Variants in XYLB observed in about 807,000 individuals in gnomAD.
XYLB encodes the protein xylulokinase, also known as xylulose kinase.
Under a neutral mutation model 78.7 loss-of-function variants are expected in XYLB, and 62 were observed. That is an observed-to-expected ratio of 0.79 (90% confidence interval 0.64 to 0.97). The LOEUF is 0.97. Among genes scored for constraint, XYLB ranks in the 50% least tolerant of loss-of-function variants. XYLB has a pLI of 0.00. For synonymous variants in XYLB, 245 were observed against 247.4 expected (o/e 0.99, Z 0.09); for missense variants, 687 against 676.8 (o/e 1.02, Z -0.17).
At chr3:38,363,107 G>C (rs1215766163) in intron 4 of XYLB, 90 bp downstream of exon 4, 1 of 1,106,964 alleles carries the variant, frequency 9.0e-7, no homozygotes, top group African/African-American at 1.6e-5. Context: ...CCTTGGATGG[G>C]GAGCGGCTCA....
chr3:38,370,196 G>A lies in XYLB; in HGVS notation c.765+22G>A, dbSNP rs957454200. 2.5e-6 allele frequency: 4 copies of A among 1,591,954 alleles called. No individual in the cohort carries two copies. The South Asian group carries it at 4.4e-5, about 18-fold the overall frequency. On this transcript the variant is annotated intron_variant, in intron 9 of 18. Coordinates refer to ENST00000207870, the MANE Select transcript of XYLB (RefSeq NM_005108.4). Reference sequence around the variant, plus strand: ...TGTGGTAGGTCTCCTTTCTGGTGATGTGGCTCATTTAAGAGCTGGCAGCTA... The same window carrying A: ...TGTGGTAGGTCTCCTTTCTGGTGATATGGCTCATTTAAGAGCTGGCAGCTA...
At chr3:38,404,229 T>A (rs1708226682) in intron 18 of XYLB, among the ~76,000 whole-genome samples, 1 of 152,142 alleles carries the variant, frequency 6.6e-6, no homozygotes, top group East Asian at 1.9e-4. Context: ...TTATAAAGGG[T>A]CACCTGTTAT....
At chr3:38,353,477 T>C (rs1705476934) in intron 2 of XYLB, among the ~76,000 whole-genome samples, 1 of 151,966 alleles carries the variant, frequency 6.6e-6, no homozygotes, top group South Asian at 2.1e-4. Flanking sequence ...CAGCTAATTT[T>C]TTTGTATTTT....
chr3:38,394,671 G>A (rs546265101), intron 15 of XYLB, among the ~76,000 whole-genome samples: 2 of 152,330 alleles, frequency 1.3e-5, no homozygotes, highest in East Asian at 3.9e-4. Flanking sequence ...AGTAATAAAT[G>A]TTTATTCTCT....
chr3:38,425,471 G>A (rs1297689254), downstream of XYLB, among the ~76,000 whole-genome samples: 2 of 152,162 alleles, frequency 1.3e-5, no homozygotes, highest in African/African-American at 4.8e-5. Flanking sequence ...GTGATTATAG[G>A]ACTCTGCACA....
chr3:38,388,181 T>G (rs867040847), intron 15 of XYLB, among the ~76,000 whole-genome samples: 3 of 150,614 alleles, frequency 2.0e-5, no homozygotes, highest in African/African-American at 7.3e-5. Context: ...TTTTTTTTTT[T>G]TTTTTTTTTT....
chr3:38,368,218 C>T lies in XYLB; in HGVS notation c.607C>T (p.Leu203=), dbSNP rs1706364229. 1 of 1,614,044 alleles carries T rather than the reference C, an allele frequency of 6.2e-7. No homozygotes were observed. The highest frequency in any genetic ancestry group is 1.3e-5 in the African/African-American group (1 of 74,914). The change falls in exon 8 of 19, where the codon CTG becomes TTG. Residue 203 remains leucine (L), a synonymous_variant. Transcript: ENST00000207870. Reference sequence around the variant, plus strand: ...TTTGGTCAGTAGCTTTGCTGCTTCCCTGTTCCTTGGCTCTTACTCCCCTAT... The same window carrying T: ...TTTGGTCAGTAGCTTTGCTGCTTCCTTGTTCCTTGGCTCTTACTCCCCTAT... ...ISLVSSFAAS[L]FLGSYSPIDY...
the XYLB span, among the ~76,000 whole-genome samples, chr3:38,436,072 A>G: frequency 6.6e-6 from 1 of 152,254 alleles, no homozygotes; most frequent in South Asian, 2.1e-4. Flanking sequence ...AAAAAGGAAT[A>G]AAGATCAGAG....
intron 2 of XYLB, among the ~76,000 whole-genome samples, chr3:38,354,080 T>C (rs1705512613): frequency 6.6e-6 from 1 of 152,050 alleles, no homozygotes; most frequent in Non-Finnish European, 1.5e-5. Flanking sequence ...GTTTGTTTGT[T>C]TATTTACTTT....
chr3:38,412,907 G>A, intron 18 of XYLB, 29 bp from the exon 19 acceptor site: 1 of 1,594,504 alleles, frequency 6.3e-7, no homozygotes, highest in Non-Finnish European at 8.6e-7. Context: ...TTCCCCCTCT[G>A]TTCTAAACTG....
intron 2 of XYLB, 74 bp from the exon 3 acceptor site, chr3:38,360,265 A>G (rs960122682): frequency 1.2e-5 from 16 of 1,380,828 alleles, no homozygotes; most frequent in Non-Finnish European, 1.6e-5. Context: ...GTCATCCACC[A>G]TAGGGTTTCT....
chr3:38,448,876 T>C, the XYLB span, among the ~76,000 whole-genome samples: 48 of 152,334 alleles, frequency 3.2e-4, no homozygotes, highest in Non-Finnish European at 4.9e-4. Flanking sequence ...TTCCCCATCC[T>C]GTGTGAATTC....
chr3:38,445,347 G>A, the XYLB span, among the ~76,000 whole-genome samples: 4 of 152,098 alleles, frequency 2.6e-5, no homozygotes, highest in South Asian at 2.1e-4. Flanking sequence ...ATGTCTAATT[G>A]GTGAGCCTGG....
chr3:38,400,100 C>T (rs562806547), intron 17 of XYLB, among the ~76,000 whole-genome samples: 1 of 152,290 alleles, frequency 6.6e-6, no homozygotes, highest in East Asian at 1.9e-4. Flanking sequence ...GACGCTACTA[C>T]CTACCTTCCC....
In XYLB at chr3:38,376,426, G is replaced by T. The variant is rs547037238; in HGVS notation, c.1120+194G>T. Among the ~76,000 whole-genome samples, 3 of 152,318 alleles carry T rather than the reference G, an allele frequency of 2.0e-5. No homozygotes were observed. In the South Asian group the frequency reaches 6.2e-4, roughly 32 times the overall value. On this transcript the variant is annotated intron_variant, in intron 13 of 18. Coordinates refer to ENST00000207870, the MANE Select transcript of XYLB (RefSeq NM_005108.4). ...CTGTGTTCTGAGCAAGGGTGGGGCT[G>T]TAAGGCTGTCCTTGGCTTCTGCTCT...
chr3:38,412,943 AG>A lies in XYLB; in HGVS notation c.1543del (p.Ala515ProfsTer36). ...TPSPGASQVYEALLPQYAKLE... is the reference protein window; with the variant it reads ...TPSPGASQVYXALLPQYAKLE... ...CTTTTTCTGCCCTTCTAGGTCTACG[AG>A]GCCCTTCTCCCCCAGTATGCCAAAC... On this transcript the variant is annotated frameshift_variant, in exon 19 of 19. Coordinates refer to ENST00000207870, the MANE Select transcript of XYLB (RefSeq NM_005108.4). LOFTEE classifies it high-confidence loss of function. 6.2e-7 allele frequency: 1 copy of A among 1,602,844 alleles called. No individual in the cohort carries two copies. Among genetic ancestry groups the A allele is most frequent in the Non-Finnish European group, 8.5e-7 (1 of 1,175,232 alleles).
chr3:38,374,598 A>T, intron 11 of XYLB, 96 bp downstream of exon 11: 1 of 1,500,142 alleles, frequency 6.7e-7, no homozygotes, highest in Non-Finnish European at 9.2e-7. Flanking sequence ...CCCAGATCCC[A>T]GGGTCCCAGG....
At chr3:38,374,318 T>C in intron 10 of XYLB, 144 bp from the exon 11 acceptor site, 1 of 1,162,982 alleles carries the variant, frequency 8.6e-7, no homozygotes, top group Non-Finnish European at 1.2e-6. Context: ...TCCTGAGCGC[T>C]CAGCTCCCCT....
intron 8 of XYLB, 89 bp downstream of exon 8, chr3:38,368,346 G>A (rs1473567785): frequency 2.5e-6 from 3 of 1,186,326 alleles, no homozygotes; most frequent in Non-Finnish European, 2.5e-6. Context: ...TACCCCGAGT[G>A]GGTGCCAATC....
Sources: allele counts gnomAD v4.1 joint callset (sites outside exome capture counted in the v4.1 genomes callset), GRCh38; gene constraint gnomAD v4.1.1; transcripts MANE v1.5; gene names NCBI Gene and HGNC (gene_info 2026-07-23, HGNC 2026-07-21).